The following RANBP2 variants were observed in gnomAD, a reference collection of about 807,000 sequenced individuals.
RANBP2 encodes the protein E3 SUMO-protein ligase RanBP2.
RANBP2 carries 57 observed loss-of-function variants against 303.6 expected under a neutral mutation model. The observed-to-expected ratio is 0.19, with a 90% confidence interval of 0.15 to 0.23. The LOEUF is 0.23. Ranked by LOEUF, RANBP2 falls within the 10% of genes least tolerant of loss-of-function variation. The pLI is 1.00. For synonymous variants in RANBP2, 1,167 were observed against 1,301.5 expected (o/e 0.90, Z 2.23); for missense variants, 3,138 against 3,780.8 (o/e 0.83, Z 4.46).
the RANBP2 span, among the ~76,000 whole-genome samples, chr2:109,711,650 C>T: frequency 2.0e-5 from 3 of 152,182 alleles, no homozygotes; most frequent in Non-Finnish European, 4.4e-5. Context: ...CTGGCCTGCC[C>T]TCCAACAAGC....
the RANBP2 span, among the ~76,000 whole-genome samples, chr2:109,411,616 T>G: frequency 6.6e-6 from 1 of 152,152 alleles, no homozygotes; most frequent in African/African-American, 2.4e-5. Context: ...TACTTTTAGT[T>G]TTCATATCCC....
chr2:109,289,644 T>C, the RANBP2 span, among the ~76,000 whole-genome samples: 3 of 152,352 alleles, frequency 2.0e-5, no homozygotes, highest in Non-Finnish European at 4.4e-5. Flanking sequence ...ATGTTGGTTT[T>C]CATCCTATTC....
At chr2:109,017,324 T>C in the RANBP2 span, among the ~76,000 whole-genome samples, 1 of 152,266 alleles carries the variant, frequency 6.6e-6, no homozygotes, top group East Asian at 1.9e-4. Flanking sequence ...AACTCTTTGA[T>C]ACGATCCTGA....
chr2:108,932,789 C>T, the RANBP2 span, among the ~76,000 whole-genome samples: 19 of 152,222 alleles, frequency 1.2e-4, no homozygotes, highest in South Asian at 1.5e-3. Context: ...ACACATAAAC[C>T]GTGGGGAAAA....
the RANBP2 span, among the ~76,000 whole-genome samples, chr2:109,724,343 A>G: frequency 6.6e-6 from 1 of 152,190 alleles, no homozygotes; most frequent in African/African-American, 2.4e-5. Flanking sequence ...CATTGCATCT[A>G]TAAATTACTT....
At chr2:109,615,537 A>T in the RANBP2 span, 1 of 1,613,942 alleles carries the variant, frequency 6.2e-7, no homozygotes, top group East Asian at 2.2e-5. Flanking sequence ...CTTGGCAGCC[A>T]TGCACGGCCA....
the RANBP2 span, among the ~76,000 whole-genome samples, chr2:109,506,265 G>A: frequency 1.3e-5 from 2 of 152,216 alleles, no homozygotes; most frequent in Non-Finnish European, 2.9e-5. Context: ...CTGACAGGTG[G>A]TGTACCTGAA....
the RANBP2 span, among the ~76,000 whole-genome samples, chr2:109,639,262 A>G: frequency 6.6e-6 from 1 of 152,256 alleles, no homozygotes; most frequent in African/African-American, 2.4e-5. Flanking sequence ...TGTGGAAAAG[A>G]GAATTCCTCT....
the RANBP2 span, among the ~76,000 whole-genome samples, chr2:109,645,951 T>G: frequency 6.6e-6 from 1 of 152,146 alleles, no homozygotes. Flanking sequence ...CAAAAAAGGC[T>G]GAAATGCTCA....
At chr2:109,398,657 A>G in the RANBP2 span, 1 of 1,605,980 alleles carries the variant, frequency 6.2e-7, no homozygotes, top group Non-Finnish European at 8.5e-7. Flanking sequence ...TCCAGCTGCA[A>G]TGCCTCCCTG....
the RANBP2 span, among the ~76,000 whole-genome samples, chr2:109,774,879 TG>T: frequency 2.8e-4 from 19 of 68,450 alleles, 2 homozygotes; most frequent in Non-Finnish European, 4.7e-4. Context: ...AACAACTGTT[TG>T]CCACATCTGG....
the RANBP2 span, among the ~76,000 whole-genome samples, chr2:109,664,047 G>A: frequency 6.6e-6 from 1 of 152,146 alleles, no homozygotes; most frequent in East Asian, 1.9e-4. Context: ...TACTTCCAAA[G>A]CCAGTGGATC....
chr2:108,776,952 TA>T (rs1677932180), intron 24 of RANBP2, among the ~76,000 whole-genome samples, 177 bp from the exon 25 acceptor site: 1 of 152,164 alleles, frequency 6.6e-6, no homozygotes, highest in African/African-American at 2.4e-5. Flanking sequence ...ATAGCACCTG[TA>T]AAATTAGTAA....
At chr2:109,527,864 T>C in the RANBP2 span, among the ~76,000 whole-genome samples, 1 of 152,172 alleles carries the variant, frequency 6.6e-6, no homozygotes, top group Non-Finnish European at 1.5e-5. Flanking sequence ...AAGAAGCCAC[T>C]GTCAGAAGGA....
At chr2:109,410,550 G>A in the RANBP2 span, among the ~76,000 whole-genome samples, 1 of 152,200 alleles carries the variant, frequency 6.6e-6, no homozygotes, top group East Asian at 1.9e-4. Flanking sequence ...GCACTACTGG[G>A]CTCATGTGAA....
chr2:109,144,954 G>T, the RANBP2 span, among the ~76,000 whole-genome samples: 1 of 152,240 alleles, frequency 6.6e-6, no homozygotes, highest in Non-Finnish European at 1.5e-5. Context: ...GTTCAGTGCC[G>T]ATCTCAGGGC....
At chr2:109,343,982 GA>G in the RANBP2 span, among the ~76,000 whole-genome samples, 1 of 152,078 alleles carries the variant, frequency 6.6e-6, no homozygotes. Flanking sequence ...GGCCTCAAGT[GA>G]TTTTCCATCC....
the RANBP2 span, among the ~76,000 whole-genome samples, chr2:108,893,164 C>A: frequency 3.3e-5 from 5 of 152,080 alleles, no homozygotes; most frequent in African/African-American, 1.2e-4. Context: ...AACTGGGATT[C>A]TCATATTACT....
At chr2:109,676,100 G>T in the RANBP2 span, among the ~76,000 whole-genome samples, 1 of 152,204 alleles carries the variant, frequency 6.6e-6, no homozygotes, top group African/African-American at 2.4e-5. Context: ...TGTGTGAAGC[G>T]CTCATGAGAA....
Sources: allele counts gnomAD v4.1 joint callset (sites outside exome capture counted in the v4.1 genomes callset), GRCh38; gene constraint gnomAD v4.1.1; transcripts MANE v1.5; gene names NCBI Gene and HGNC (gene_info 2026-07-23, HGNC 2026-07-21).